The following RUNX1T1 variants were observed in gnomAD, a reference collection of about 807,000 sequenced individuals.
The protein encoded by RUNX1T1 is protein CBFA2T1.
A neutral mutation model predicts 62.8 loss-of-function variants in RUNX1T1; 4 were observed. That is an observed-to-expected ratio of 0.06 (90% CI 0.03 to 0.15). The LOEUF is 0.15. RUNX1T1 is among the 10% of genes least tolerant of loss of function. RUNX1T1 has a pLI of 1.00. For missense variants in RUNX1T1, 508 were observed against 754.3 expected, an observed-to-expected ratio of 0.67 and a Z score of 3.82; for synonymous variants, 291 against 286.0, an observed-to-expected ratio of 1.02 and a Z score of -0.18.
intron 1 of RUNX1T1, chr8:92,017,758 C>A: frequency 1.9e-6 from 1 of 535,700 alleles, no homozygotes; most frequent in Non-Finnish European, 2.6e-6. Flanking sequence ...AACCTGAAGT[C>A]TGTTATGCAG....
chr8:92,008,032 AT>A lies in RUNX1T1; in HGVS notation c.478-2736del, dbSNP rs558614042. 1.7e-3 allele frequency among the ~76,000 whole-genome samples: 256 copies of A among 152,076 alleles called. 1 individual carries two copies. Among genetic ancestry groups the A allele is most frequent in the Non-Finnish European group, 2.9e-3 (199 of 67,988 alleles). ...GGACACAATAAAAATATGATTTATA[AT>A]CTTATGGGACTACCATTGTACATGC... On this transcript the variant is annotated intron_variant, in intron 4 of 10. Transcript: ENST00000396218.
At chr8:91,968,370 G>T (rs1035048159) in intron 10 of RUNX1T1, among the ~76,000 whole-genome samples, 1 of 152,144 alleles carries the variant, frequency 6.6e-6, no homozygotes, top group African/African-American at 2.4e-5. Flanking sequence ...CTGCACCCTA[G>T]GTTACAGTGC....
At chr8:92,023,726 A>G (rs575682635) in intron 1 of RUNX1T1, among the ~76,000 whole-genome samples, 11 of 152,296 alleles carry the variant, frequency 7.2e-5, no homozygotes, top group Middle Eastern at 6.8e-3. Context: ...TAGGAGCAGA[A>G]ACCTATAAGA....
chr8:91,965,400 C>CT (rs1277863203), intron 10 of RUNX1T1, among the ~76,000 whole-genome samples: 1 of 152,104 alleles, frequency 6.6e-6, no homozygotes, highest in African/African-American at 2.4e-5. Context: ...GCTGTTTGTT[C>CT]TTTTCCCTGT....
intron 5 of RUNX1T1, among the ~76,000 whole-genome samples, chr8:91,999,435 G>A (rs1344927367): frequency 6.6e-6 from 1 of 152,134 alleles, no homozygotes; most frequent in Non-Finnish European, 1.5e-5. Context: ...GAGAACTATA[G>A]GAAAGAATCT....
intron 7 of RUNX1T1, 60 bp from the exon 9 acceptor site, chr8:91,986,385 C>A: frequency 1.5e-6 from 2 of 1,349,604 alleles, no homozygotes; most frequent in Non-Finnish European, 2.1e-6. Context: ...AAAGATTTTG[C>A]TGAGTAGTGA....
chr8:92,031,275 A>G (rs578206305), intron 1 of RUNX1T1, among the ~76,000 whole-genome samples: 80 of 152,356 alleles, frequency 5.3e-4, no homozygotes, highest in African/African-American at 1.8e-3. Flanking sequence ...CATCTAAAAA[A>G]GTTAACATAG....
chr8:92,100,590 C>T (rs1441024446), upstream of RUNX1T1, among the ~76,000 whole-genome samples: 1 of 152,114 alleles, frequency 6.6e-6, no homozygotes, highest in Non-Finnish European at 1.5e-5. Flanking sequence ...TGGACTTCAA[C>T]TTCTTCAGCA....
chr8:92,066,223 G>A (rs1432197717), upstream of RUNX1T1, among the ~76,000 whole-genome samples: 1 of 152,162 alleles, frequency 6.6e-6, no homozygotes, highest in African/African-American at 2.4e-5. Flanking sequence ...TGGTCATTAA[G>A]ACCCCCCTGC....
chr8:92,073,077 A>T (rs1405213454), intron 2 of RUNX1T1, among the ~76,000 whole-genome samples: 1 of 152,118 alleles, frequency 6.6e-6, no homozygotes, highest in Non-Finnish European at 1.5e-5. Context: ...TTTAGAAAAC[A>T]TATGGATCTT....
At chr8:92,083,733 G>A (rs1835650852) in intron 1 of RUNX1T1, among the ~76,000 whole-genome samples, 1 of 152,194 alleles carries the variant, frequency 6.6e-6, no homozygotes, top group African/African-American at 2.4e-5. Flanking sequence ...ATTTGACCCA[G>A]CAATCCCATT....
chr8:92,010,875 C>T (rs11781118), intron 4 of RUNX1T1, 127 bp downstream of exon 5: 437 of 571,140 alleles, frequency 7.7e-4, no homozygotes, highest in Non-Finnish European at 1.2e-3. Context: ...TAAATACAAT[C>T]GATTCAGATA....
At chr8:91,997,055 G>A (rs1381580526) in intron 5 of RUNX1T1, among the ~76,000 whole-genome samples, 2 of 151,914 alleles carry the variant, frequency 1.3e-5, no homozygotes, top group African/African-American at 2.4e-5. Context: ...TGAACCTGAG[G>A]CACAGAGGTT....
intron 8 of RUNX1T1, among the ~76,000 whole-genome samples, chr8:91,982,785 G>C (rs1043352467): frequency 1.3e-5 from 2 of 152,066 alleles, no homozygotes; most frequent in Admixed American, 1.3e-4. Flanking sequence ...TTTATGAAAA[G>C]TCCTTCAAGA....
At chr8:92,007,625 G>A (rs1285002790) in intron 4 of RUNX1T1, among the ~76,000 whole-genome samples, 2 of 152,052 alleles carry the variant, frequency 1.3e-5, no homozygotes, top group Non-Finnish European at 2.9e-5. Flanking sequence ...ATAGTCTACG[G>A]CTCCTAGGCT....
chr8:92,043,402 G>T (rs962905106), intron 1 of RUNX1T1, among the ~76,000 whole-genome samples: 5 of 150,232 alleles, frequency 3.3e-5, no homozygotes, highest in African/African-American at 1.2e-4. Flanking sequence ...TATATACTAA[G>T]GAAGGAAAAA....
At position 91,986,340 on chromosome 8, in the gene RUNX1T1, G is replaced by C; in HGVS notation, c.997-15C>G. On this transcript the variant is annotated splice_polypyrimidine_tract_variant and intron_variant, in intron 7 of 10. Coordinates refer to ENST00000396218, the Ensembl canonical transcript of RUNX1T1. ...CAGTTTAACAGCTATTTGGGAAAGG[G>C]GAGAATAGGGAAGAGCATATAAATC... 6.4e-7 allele frequency: 1 copy of C among 1,570,178 alleles called. No individual in the cohort carries two copies. The highest frequency in any genetic ancestry group is 8.8e-7 in the Non-Finnish European group (1 of 1,140,296).
chr8:91,986,905 C>T (rs1286529671), exon 7 of RUNX1T1: 1 of 1,607,838 alleles, frequency 6.2e-7, no homozygotes, highest in South Asian at 1.1e-5. Flanking sequence ...GATGTTTCCA[C>T]TCTTCTGCCC....
At chr8:92,102,578 G>A (rs1350451015), upstream of RUNX1T1, among the ~76,000 whole-genome samples, 3 of 152,092 alleles carry the variant, frequency 2.0e-5, no homozygotes, top group African/African-American at 7.2e-5. This position sits in a 1 kb window ranked among gnomAD's most constrained non-coding sequence, Gnocchi z 4.5. Context: ...GGAGAGGGAA[G>A]AAAAATTATT....
Sources: gnomAD v4.1 joint callset for allele counts (sites outside exome capture counted in the v4.1 genomes callset) on GRCh38, gnomAD v4.1.1 for gene constraint, Gnocchi (gnomAD v3.1) non-coding constraint, MANE v1.5 for transcripts, NCBI Gene and HGNC (gene_info 2026-07-23, HGNC 2026-07-21) for gene names.